The following CAPN12 variants were observed in gnomAD, a reference collection of about 807,000 sequenced individuals.
CAPN12 encodes calpain-12.
CAPN12 carries 107 observed loss-of-function variants against 95.0 expected under a neutral mutation model. That is an observed-to-expected ratio of 1.13 (90% confidence interval 0.96 to 1.32). The LOEUF is 1.32. CAPN12 is among the 40% of genes most tolerant of loss of function. The pLI is 0.00. For missense variants in CAPN12, 1,136 were observed against 997.8 expected (o/e 1.14, Z -1.87); for synonymous variants, 505 against 415.5 (o/e 1.22, Z -2.62).
At chr19:38,732,797 G>T (rs1402850585) in intron 18 of CAPN12, among the ~76,000 whole-genome samples, 7 of 152,150 alleles carry the variant, frequency 4.6e-5, no homozygotes, top group African/African-American at 1.7e-4. Context: ...CCCAGAGTGG[G>T]GTTGGGGATC....
chr19:38,733,927 TTCTGTTTCCCAA>T, intron 17 of CAPN12, 146 bp from the exon 18 acceptor site: 2 of 802,612 alleles, frequency 2.5e-6, no homozygotes, highest in Admixed American at 5.1e-5. Context: ...CACTTGGGAC[TTCTGTTTCCCAA>T]TCTGTAAAAT....
At chr19:38,742,616 G>T (rs893435761) in intron 2 of CAPN12, 88 bp from the exon 3 acceptor site, 6 of 889,286 alleles carry the variant, frequency 6.7e-6, no homozygotes, top group Admixed American at 2.7e-5. Context: ...ACTTTGGGAG[G>T]CCAAGGCAGA....
At chr19:38,742,038 A>G in intron 3 of CAPN12, 128 bp from the exon 4 acceptor site, 8 of 1,383,582 alleles carry the variant, frequency 5.8e-6, no homozygotes, top group Non-Finnish European at 6.8e-6. Context: ...TGAAATCCAT[A>G]TGGCTGGCCG....
chr19:38,734,198 G>A lies in CAPN12; in HGVS notation c.1822C>T (p.Gln608Ter), dbSNP rs766250845. The change falls in exon 17 of 21, where the codon CAA (glutamine) becomes TAA (stop). Residue 608 changes from glutamine (Q) to a stop codon, truncating the protein, a stop_gained. Transcript: ENST00000328867. LOFTEE classifies it high-confidence loss of function. ...EQLLQCFGHG[Q>*]SLALHHFQQL... ...TGGAAGTGGTGTAAGGCCAGGCTTT[G>A]CCCATGCTGTGTTGGGGGTCGGGGG... The A allele has an allele frequency of 9.3e-6, 15 of 1,612,850 alleles. No individual in the cohort carries two copies. Among genetic ancestry groups the A allele is most frequent in the Admixed American group, 3.3e-5 (2 of 59,980 alleles).
rs1401697328 is a variant in CAPN12, at chr19:38,730,949, C to CT, written c.2133+15dup. ...GGACAGAGCCTGAGCCACCCTGTCC[C>CT]TCCCACCTGGCTCACCTGTCTGTGG... On this transcript the variant is annotated intron_variant, in intron 20 of 20. Coordinates refer to ENST00000328867, the MANE Select transcript of CAPN12 (RefSeq NM_144691.4). 1 of 1,550,608 alleles carries CT rather than the reference C, an allele frequency of 6.4e-7. No individual in the cohort carries two copies. The highest frequency in any genetic ancestry group is 8.7e-7 in the Non-Finnish European group (1 of 1,147,058).
At position 38,740,223 on chromosome 19, in the gene CAPN12, TG is replaced by T; in HGVS notation, c.561-5del. The T allele has an allele frequency of 6.3e-7, 1 of 1,597,892 alleles. No individual in the cohort carries two copies. The highest frequency in any genetic ancestry group is 1.1e-5 in the South Asian group (1 of 88,132). On this transcript the variant is annotated splice_region_variant and splice_polypyrimidine_tract_variant and intron_variant, in intron 4 of 20. Coordinates refer to ENST00000328867, the MANE Select transcript of CAPN12 (RefSeq NM_144691.4). The stretch of plus-strand genomic sequence containing the variant: ...CACCTCATAGGAGCCGTGGAGCCTG[TG>T]GGGGCAGATCTGGGGTGAGGGTTGA...
At chr19:38,736,086 C>T (rs896204859) in intron 12 of CAPN12, 24 bp downstream of exon 12, 2 of 1,433,130 alleles carry the variant, frequency 1.4e-6, no homozygotes, top group Admixed American at 2.4e-5. Context: ...GGGATGGGGT[C>T]GGATTTGGGT....
At chr19:38,734,483 T>A in intron 15 of CAPN12, 94 bp from the exon 16 acceptor site, 2 of 1,096,482 alleles carry the variant, frequency 1.8e-6, no homozygotes, top group Non-Finnish European at 2.6e-6. Context: ...GCAGGTGATG[T>A]TGTCAGTCCC....
Position 38,738,321 on chromosome 19 carries a change from G to A in CAPN12, c.917C>T (p.Thr306Ile), listed in dbSNP as rs1212386495. Residue 306 changes from threonine to isoleucine, a missense_variant, in exon 8 of 21, where the codon ACC becomes ATC. Physicochemically the swap from Thr to Ile is moderately conservative, Grantham distance 89. Coordinates refer to ENST00000328867, the MANE Select transcript of CAPN12 (RefSeq NM_144691.4). ...CACCAGCAGGGCATCGCGGCACTCGGTGGGGAGTGTGTCCCAGCGTGGGCA... is the reference window on the plus strand; with the variant it reads ...CACCAGCAGGGCATCGCGGCACTCGATGGGGAGTGTGTCCCAGCGTGGGCA... Reference protein sequence around the residue: ...DSCPRWDTLPTECRDALLVKK... With the variant: ...DSCPRWDTLPIECRDALLVKK... The A allele has an allele frequency of 9.9e-6, 16 of 1,612,106 alleles. No individual in the cohort carries two copies. Among genetic ancestry groups the A allele is most frequent in the African/African-American group, 1.3e-5 (1 of 74,998 alleles).
At position 38,734,330 on chromosome 19, in the gene CAPN12, G is replaced by A. The variant is rs1969856650; in HGVS notation, c.1804C>T (p.Gln602Ter). The A allele has an allele frequency of 3.1e-6, 5 of 1,608,144 alleles. No homozygotes were observed. The South Asian group carries it at 3.3e-5, about 11-fold the overall frequency. Residue 602 changes from glutamine to a stop codon, truncating the protein, a stop_gained, in exon 16 of 21, where the codon CAG becomes TAG. Coordinates refer to ENST00000328867, the MANE Select transcript of CAPN12 (RefSeq NM_144691.4). LOFTEE classifies it high-confidence loss of function. ...IGLRTCEQLL[Q>*]CFGHGQSLAL... ...TGCCCCCCATGTACCCCGAAACACT[G>A]CAGCAGCTGCTCACAGGTCCTGAGC...
chr19:38,731,132 A>G lies in CAPN12; in HGVS notation c.2049T>C (p.Cys683=). The change falls in exon 19 of 21, where the codon TGT becomes TGC. Residue 683 remains cysteine (C), a synonymous_variant. Transcript: ENST00000328867. ...LRVDFERFVS[C]VAHLTCIFCH... ...AGAAGATGCAGGTGAGGTGGGCCAC[A>G]CAGGACACGAACCGCTCGAAGTCCA... 6.2e-7 allele frequency: 1 copy of G among 1,612,800 alleles called. No homozygotes were observed. The highest frequency in any genetic ancestry group is 8.5e-7 in the Non-Finnish European group (1 of 1,179,898).
chr19:38,735,466 CCCGCCCCATG>C (rs756340812), intron 13 of CAPN12, 26 bp downstream of exon 13: 11 of 1,610,808 alleles, frequency 6.8e-6, no homozygotes, highest in South Asian at 1.1e-5. Flanking sequence ...GGCCAAGATC[CCCGCCCCATG>C]CCGCCCCTCC....
chr19:38,738,408 C>T lies in CAPN12; in HGVS notation c.890+10G>A, dbSNP rs764270687. ...GGTCCAGCCCCACACCCACCCCAGA[C>T]CCATCCCACCTGTCGCTCCAGGCCC... On this transcript the variant is annotated intron_variant, in intron 7 of 20. Transcript: ENST00000328867. 7 of 1,610,298 alleles carry T rather than the reference C, an allele frequency of 4.3e-6. No homozygotes were observed. The Admixed American group carries it at 6.7e-5, about 15-fold the overall frequency.
In CAPN12 at chr19:38,736,189, C is replaced by G. The variant is rs1276005975; in HGVS notation, c.1504G>C (p.Val502Leu). The G allele has an allele frequency of 7.9e-6, 12 of 1,513,498 alleles. No homozygotes were observed. The South Asian group carries it at 1.4e-4, about 17-fold the overall frequency. The allele number at this position is 1,513,498 out of a possible 1,614,324, so 93.8% of individuals were successfully genotyped here. A position where few individuals can be genotyped will look rare whatever the true frequency, so the allele number is the denominator to read the frequency against. ...RCCLRPGHYL[V>L]VPSTAHAGDE... ...CCGGCGTGGGCGGTGCTCGGCACCA[C>G]CAGGTAGTGGCCTGGACGCAGGCAG... The change falls in exon 12 of 21, where the codon GTG (valine) becomes CTG (leucine). Residue 502 changes from valine to leucine, a missense_variant. Coordinates refer to ENST00000328867, the MANE Select transcript of CAPN12 (RefSeq NM_144691.4).
Position 38,734,123 on chromosome 19 carries a change from G to A in CAPN12, c.1878+19C>T, listed in dbSNP as rs373792354. On this transcript the variant is annotated intron_variant, in intron 17 of 20. Transcript: ENST00000328867. ...AAGGTTTCTCTCTTTCTGGGAAGAG[G>A]CCCAGTCTCCCACCTCACCTGCCAC... The A allele has an allele frequency of 7.4e-6, 12 of 1,611,444 alleles. No homozygotes were observed. Among genetic ancestry groups the A allele is most frequent in the African/African-American group, 1.3e-5 (1 of 74,868 alleles).
Position 38,744,009 on chromosome 19 carries a change from C to G in CAPN12, c.157G>C (p.Ala53Pro), listed in dbSNP as rs775825228. 6 of 1,614,246 alleles carry G rather than the reference C, an allele frequency of 3.7e-6. No homozygotes were observed. In the South Asian group the frequency reaches 5.5e-5, roughly 15 times the overall value. ...GILFRDPYFPAGPDALGYDQL... is the reference protein window; with the variant it reads ...GILFRDPYFPPGPDALGYDQL... ...TCATAGCCAAGGGCATCAGGGCCAG[C>G]AGGGAAGTAAGGGTCGCGGAACAGG... The change falls in exon 1 of 21, where the codon GCT becomes CCT. Residue 53 changes from alanine (A) to proline (P), a missense_variant. Coordinates refer to ENST00000328867, the MANE Select transcript of CAPN12 (RefSeq NM_144691.4).
chr19:38,737,362 G>T lies in CAPN12; in HGVS notation c.1156C>A (p.Arg386Ser), dbSNP rs762559161. 1 of 1,598,880 alleles carries T rather than the reference G, an allele frequency of 6.3e-7. No homozygotes were observed. Among genetic ancestry groups the T allele is most frequent in the Non-Finnish European group, 8.5e-7 (1 of 1,174,878 alleles). ...TCATCAGGCTCCAGCAGCGTTAAACGGAACTGAGGATTGGTCCAGAAGGTT... is the reference window on the plus strand; with the variant it reads ...TCATCAGGCTCCAGCAGCGTTAAACTGAACTGAGGATTGGTCCAGAAGGTT... ...AETFWTNPQF[R>S]LTLLEPDEED... The change falls in exon 10 of 21, where the codon CGT becomes AGT. Residue 386 changes from arginine (R) to serine (S), a missense_variant. Physicochemically the swap from Arg to Ser is moderately radical, Grantham distance 110. Transcript: ENST00000328867.
chr19:38,743,888 C>G (rs1304995321), intron 1 of CAPN12, 41 bp downstream of exon 1: 2 of 1,592,600 alleles, frequency 1.3e-6, no homozygotes, highest in African/African-American at 1.3e-5. Context: ...CCAGCCCCTC[C>G]TCCCTCAGAC....
At position 38,731,094 on chromosome 19, in the gene CAPN12, G is replaced by T. The variant is rs1392154970; in HGVS notation, c.2074+13C>A. ...CTTCCCCCCATGCCCCACCATGCCG[G>T]GGTGGTACTCACAGAAGATGCAGGT... On this transcript the variant is annotated intron_variant, in intron 19 of 20. Transcript: ENST00000328867. 4 of 1,605,650 alleles carry T rather than the reference G, an allele frequency of 2.5e-6. No homozygotes were observed. The highest frequency in any genetic ancestry group is 3.4e-6 in the Non-Finnish European group (4 of 1,176,680).
Sources: allele counts gnomAD v4.1 joint callset (sites outside exome capture counted in the v4.1 genomes callset), GRCh38; gene constraint gnomAD v4.1.1; transcripts MANE v1.5; gene names NCBI Gene and HGNC (gene_info 2026-07-23, HGNC 2026-07-21).